Variants in KHDRBS2 observed in about 807,000 individuals in gnomAD.
KHDRBS2 encodes KH RNA binding domain containing, signal transduction associated 2.
Under a neutral mutation model 44.3 loss-of-function variants are expected in KHDRBS2, and 26 were observed. The observed-to-expected ratio is 0.59, with a 90% CI of 0.43 to 0.81. The LOEUF (loss-of-function observed/expected upper bound fraction) is 0.81, where lower values mean the gene tolerates loss of function less well. Ranked by LOEUF, KHDRBS2 falls within the 40% of genes least tolerant of loss-of-function variation. The probability of loss-of-function intolerance (pLI) is 0.00; values close to 1 mark genes in which losing one functional copy is unlikely to be tolerated. For missense variants in KHDRBS2, 476 were observed against 433.1 expected (o/e 1.10, Z -0.88); for synonymous variants, 194 against 151.1 (o/e 1.28, Z -2.08).
intron 6 of KHDRBS2, among the ~76,000 whole-genome samples, chr6:61,747,386 G>A (rs78095056): frequency 6.6e-6 from 1 of 152,126 alleles, no homozygotes. Flanking sequence ...ACAAGAGCAC[G>A]ATGACATGAT....
At chr6:62,053,464 C>T (rs995968146) in intron 2 of KHDRBS2, among the ~76,000 whole-genome samples, 6 of 151,812 alleles carry the variant, frequency 4.0e-5, no homozygotes, top group African/African-American at 1.5e-4. Flanking sequence ...CATAGGTATA[C>T]AAGTATTTTA....
intron 6 of KHDRBS2, among the ~76,000 whole-genome samples, chr6:61,885,181 T>C (rs2127321653): frequency 6.6e-6 from 1 of 152,246 alleles, no homozygotes; most frequent in African/African-American, 2.4e-5. Context: ...ATGACAATGA[T>C]TTTGATAATA....
chr6:62,167,635 G>A (rs1213292540), intron 2 of KHDRBS2, among the ~76,000 whole-genome samples: 2 of 152,172 alleles, frequency 1.3e-5, no homozygotes, highest in Middle Eastern at 3.4e-3. Flanking sequence ...TTGGGAAACT[G>A]ATATGAATGA....
the KHDRBS2 span, among the ~76,000 whole-genome samples, chr6:61,592,412 T>C: frequency 1.3e-5 from 2 of 152,026 alleles, no homozygotes; most frequent in Non-Finnish European, 2.9e-5. Context: ...CCAGCAAAGA[T>C]AGTCTTGTTA....
chr6:61,667,134 CTTT>C, the KHDRBS2 span, among the ~76,000 whole-genome samples: 2 of 133,708 alleles, frequency 1.5e-5, no homozygotes, highest in Non-Finnish European at 1.6e-5. Flanking sequence ...CCGCAAAGTA[CTTT>C]TTTTTTTTTT....
the KHDRBS2 span, among the ~76,000 whole-genome samples, chr6:61,613,704 T>C: frequency 6.6e-6 from 1 of 152,218 alleles, no homozygotes; most frequent in Non-Finnish European, 1.5e-5. Context: ...GTATTAATTC[T>C]ACTGAATAAT....
intron 6 of KHDRBS2, among the ~76,000 whole-genome samples, chr6:61,876,180 T>G (rs1004881179): frequency 1.3e-5 from 2 of 152,050 alleles, no homozygotes. Context: ...CCTTACTGAT[T>G]GCTGAAGTCT....
At position 62,145,682 on chromosome 6, in the gene KHDRBS2, G is replaced by A. The variant is rs187481467; in HGVS notation, c.219+31503C>T. Among the ~76,000 whole-genome samples, 322 of 151,846 alleles carry A rather than the reference G, an allele frequency of 2.1e-3. 2 individuals carry two copies. Among genetic ancestry groups the A allele is most frequent in the African/African-American group, 7.5e-3 (313 of 41,462 alleles). On this transcript the variant is annotated intron_variant, in intron 2 of 8. Coordinates refer to ENST00000281156, the MANE Select transcript of KHDRBS2 (RefSeq NM_152688.4). ...TGTTAACTGTATCATGTCTACTGTAGAGGCTTAATCAAACTTTTCATTGTA... is the reference window on the plus strand; with the variant it reads ...TGTTAACTGTATCATGTCTACTGTAAAGGCTTAATCAAACTTTTCATTGTA...
intron 2 of KHDRBS2, among the ~76,000 whole-genome samples, chr6:62,067,607 GT>G (rs1794046977): frequency 6.6e-6 from 1 of 151,414 alleles, no homozygotes; most frequent in Admixed American, 6.6e-5. Flanking sequence ...CATAAAATTA[GT>G]TCATTAAAAG....
intron 1 of KHDRBS2, among the ~76,000 whole-genome samples, chr6:62,284,824 T>C (rs1392726890): frequency 6.6e-6 from 1 of 152,172 alleles, no homozygotes; most frequent in Non-Finnish European, 1.5e-5. Flanking sequence ...TCTTCCTTGG[T>C]ACAACTAAGT....
At chr6:61,653,392 T>G in the KHDRBS2 span, among the ~76,000 whole-genome samples, 1 of 152,168 alleles carries the variant, frequency 6.6e-6, no homozygotes, top group South Asian at 2.1e-4. Context: ...ATATTCCTAG[T>G]TCTAAAAATA....
chr6:61,872,411 A>T (rs567381879), intron 6 of KHDRBS2, among the ~76,000 whole-genome samples: 1 of 152,136 alleles, frequency 6.6e-6, no homozygotes, highest in Non-Finnish European at 1.5e-5. Context: ...CACATAAGAA[A>T]AATAAGAAAT....
chr6:62,008,250 T>C (rs569970629), intron 3 of KHDRBS2, among the ~76,000 whole-genome samples: 1 of 152,278 alleles, frequency 6.6e-6, no homozygotes, highest in South Asian at 2.1e-4. Flanking sequence ...TACCAAGTGC[T>C]TAGGGTTTTG....
intron 4 of KHDRBS2, among the ~76,000 whole-genome samples, chr6:61,951,550 A>G (rs1044014244): frequency 6.6e-5 from 10 of 152,096 alleles, no homozygotes; most frequent in Non-Finnish European, 1.2e-4. Context: ...CAATAATTTA[A>G]GGCATTTGTA....
intron 6 of KHDRBS2, among the ~76,000 whole-genome samples, chr6:61,808,175 C>A (rs1787471135): frequency 6.6e-6 from 1 of 151,942 alleles, no homozygotes; most frequent in East Asian, 1.9e-4. Flanking sequence ...GGGGTGTAAG[C>A]TCAACCACTA....
chr6:61,977,034 T>C (rs771291915), intron 4 of KHDRBS2, among the ~76,000 whole-genome samples: 2 of 152,178 alleles, frequency 1.3e-5, no homozygotes, highest in Non-Finnish European at 2.9e-5. Flanking sequence ...ATTTTTAAAC[T>C]GGACATATAA....
At chr6:61,656,930 A>G in the KHDRBS2 span, among the ~76,000 whole-genome samples, 1 of 152,024 alleles carries the variant, frequency 6.6e-6, no homozygotes. Flanking sequence ...CATTGCTTAT[A>G]AAGAATTATG....
the KHDRBS2 span, among the ~76,000 whole-genome samples, chr6:61,647,257 G>A: frequency 6.6e-6 from 1 of 152,100 alleles, no homozygotes; most frequent in Non-Finnish European, 1.5e-5. Context: ...CTGAAAATAT[G>A]TTTACTGAGA....
At chr6:62,158,726 T>A (rs1369396212) in intron 2 of KHDRBS2, among the ~76,000 whole-genome samples, 1 of 152,158 alleles carries the variant, frequency 6.6e-6, no homozygotes, top group East Asian at 1.9e-4. Flanking sequence ...ACCCTGATCT[T>A]ACTTCTCTGT....
Sources: gnomAD v4.1 joint callset for allele counts (sites outside exome capture counted in the v4.1 genomes callset) on GRCh38, gnomAD v4.1.1 for gene constraint, MANE v1.5 for transcripts, NCBI Gene and HGNC (gene_info 2026-07-23, HGNC 2026-07-21) for gene names.